Variants in ASTN2 observed in about 807,000 individuals in gnomAD.
The protein encoded by ASTN2 is astrotactin 2.
ASTN2 carries 54 observed loss-of-function variants against 139.8 expected under a neutral mutation model. The ratio of observed to expected loss-of-function variants is 0.39; its 90% CI spans 0.31 to 0.48. ASTN2 has a LOEUF of 0.48. Among genes scored for constraint, ASTN2 ranks in the 20% least tolerant of loss-of-function variants. The pLI is 0.95. For missense variants in ASTN2, 1,565 were observed against 1,725.1 expected, an observed-to-expected ratio of 0.91 and a Z score of 1.64; for synonymous variants, 756 against 719.5, an observed-to-expected ratio of 1.05 and a Z score of -0.81.
chr9:117,257,428 A>C (rs1218708807), intron 2 of ASTN2, among the ~76,000 whole-genome samples: 1 of 152,218 alleles, frequency 6.6e-6, no homozygotes, highest in Non-Finnish European at 1.5e-5. Context: ...AGGTCTTTCT[A>C]AATAGGCAAA....
chr9:116,431,328 G>A (rs1442774399), intron 22 of ASTN2, among the ~76,000 whole-genome samples: 1 of 152,168 alleles, frequency 6.6e-6, no homozygotes, highest in African/African-American at 2.4e-5. Context: ...AAGTGTCTCT[G>A]TGTTAGCTGT....
chr9:116,508,503 T>C (rs1850211966), intron 19 of ASTN2, among the ~76,000 whole-genome samples: 1 of 152,100 alleles, frequency 6.6e-6, no homozygotes, highest in African/African-American at 2.4e-5. Flanking sequence ...TGTGTGTGTG[T>C]ACTAGAGGCC....
chr9:116,721,915 G>A (rs1206356519), intron 16 of ASTN2, among the ~76,000 whole-genome samples: 2 of 152,064 alleles, frequency 1.3e-5, no homozygotes, highest in African/African-American at 4.8e-5. Flanking sequence ...AAATACAGAG[G>A]ATCTAGACCA....
chr9:116,936,347 A>T (rs1200355826), intron 10 of ASTN2, among the ~76,000 whole-genome samples: 1 of 150,456 alleles, frequency 6.6e-6, no homozygotes, highest in Non-Finnish European at 1.5e-5. Context: ...CACTCCCACC[A>T]CTACAATCAC....
intron 20 of ASTN2, among the ~76,000 whole-genome samples, chr9:116,454,304 C>T (rs1848261567): frequency 6.6e-6 from 1 of 151,736 alleles, no homozygotes; most frequent in African/African-American, 2.4e-5. Context: ...ACAGAGATAT[C>T]AAAGTAGAAA....
chr9:116,926,328 C>A (rs1203488218), intron 10 of ASTN2, among the ~76,000 whole-genome samples: 1 of 152,190 alleles, frequency 6.6e-6, no homozygotes, highest in East Asian at 1.9e-4. Context: ...ATCGTTGCCA[C>A]CCCCTGCCAC....
chr9:116,729,803 G>A (rs1564236516), intron 14 of ASTN2, among the ~76,000 whole-genome samples: 1 of 152,170 alleles, frequency 6.6e-6, no homozygotes, highest in Non-Finnish European at 1.5e-5. Flanking sequence ...GCAAAACAAA[G>A]TTTAACTGTA....
At chr9:116,876,729 A>G (rs1309627946) in intron 10 of ASTN2, among the ~76,000 whole-genome samples, 2 of 152,218 alleles carry the variant, frequency 1.3e-5, no homozygotes, top group African/African-American at 4.8e-5. Flanking sequence ...TCAGATGACC[A>G]TTAGCTTTTT....
At chr9:117,307,674 G>A (rs1457339730) in intron 1 of ASTN2, among the ~76,000 whole-genome samples, 1 of 152,178 alleles carries the variant, frequency 6.6e-6, no homozygotes, top group East Asian at 1.9e-4. Flanking sequence ...CCACCTTCAT[G>A]GGCAGACATA....
intron 11 of ASTN2, among the ~76,000 whole-genome samples, chr9:116,833,093 A>G (rs1831869263): frequency 6.6e-6 from 1 of 152,136 alleles, no homozygotes; most frequent in African/African-American, 2.4e-5. Context: ...TAATAGTTAT[A>G]GGGCTTTCAA....
intron 20 of ASTN2, among the ~76,000 whole-genome samples, chr9:116,474,665 T>G (rs1848921222): frequency 6.6e-6 from 1 of 152,136 alleles, no homozygotes; most frequent in Admixed American, 6.5e-5. Flanking sequence ...AGGGAAAAGT[T>G]AGGAAGCCTG....
intron 1 of ASTN2, among the ~76,000 whole-genome samples, chr9:117,413,117 C>T (rs1223156372): frequency 6.6e-6 from 1 of 152,230 alleles, no homozygotes; most frequent in Non-Finnish European, 1.5e-5. Flanking sequence ...GAGGTTCAAG[C>T]TCAGAGCGGG....
At chr9:117,020,058 G>T (rs1837832691) in intron 6 of ASTN2, among the ~76,000 whole-genome samples, 1 of 150,494 alleles carries the variant, frequency 6.6e-6, no homozygotes, top group Non-Finnish European at 1.5e-5. Flanking sequence ...GTGTGTGTGT[G>T]TAGCAAAAAT....
chr9:116,497,705 T>C (rs1849712039), intron 19 of ASTN2, among the ~76,000 whole-genome samples: 3 of 152,054 alleles, frequency 2.0e-5, no homozygotes, highest in African/African-American at 7.2e-5. Context: ...GGAAAGCTGA[T>C]TTGGGGACCA....
chr9:116,942,398 T>C (rs546603785), intron 10 of ASTN2, among the ~76,000 whole-genome samples: 25 of 152,320 alleles, frequency 1.6e-4, no homozygotes, highest in African/African-American at 5.5e-4. Flanking sequence ...TTAGGGTTGG[T>C]GGCTTCTCAT....
intron 2 of ASTN2, among the ~76,000 whole-genome samples, chr9:117,290,534 A>T (rs758447305): frequency 6.6e-6 from 1 of 152,202 alleles, no homozygotes; most frequent in Non-Finnish European, 1.5e-5. Context: ...CTCTGCAAAC[A>T]TGTGGAGGTG....
At chr9:116,695,711 C>A (rs1022682852) in intron 16 of ASTN2, among the ~76,000 whole-genome samples, 4 of 152,154 alleles carry the variant, frequency 2.6e-5, no homozygotes, top group Admixed American at 6.5e-5. Flanking sequence ...CCTCAACTTG[C>A]TAGACCTATT....
intron 22 of ASTN2, among the ~76,000 whole-genome samples, chr9:116,432,647 A>T (rs1456559358): frequency 6.6e-6 from 1 of 152,184 alleles, no homozygotes; most frequent in East Asian, 1.9e-4. Flanking sequence ...GAATTAATAA[A>T]TGCAAACTGG....
intron 20 of ASTN2, among the ~76,000 whole-genome samples, chr9:116,443,387 A>C (rs1205338219): frequency 6.6e-6 from 1 of 152,236 alleles, no homozygotes; most frequent in African/African-American, 2.4e-5. Context: ...AGGCCATGCC[A>C]GGGAGACTGG....
Sources: allele counts gnomAD v4.1 joint callset (sites outside exome capture counted in the v4.1 genomes callset), GRCh38; gene constraint gnomAD v4.1.1; transcripts MANE v1.5; gene names NCBI Gene and HGNC (gene_info 2026-07-23, HGNC 2026-07-21).